MACF1: variants seen among roughly 807,000 people sequenced by gnomAD.
MACF1 encodes the protein microtubule-actin cross-linking factor 1.
A neutral mutation model predicts 854.8 loss-of-function variants in MACF1; 193 were observed. That is an observed-to-expected ratio of 0.23 (90% confidence interval 0.20 to 0.25). The LOEUF is 0.25. MACF1 is among the 10% of genes least tolerant of loss of function. MACF1 has a pLI of 1.00. For synonymous variants in MACF1, 3,185 were observed against 3,226.7 expected (o/e 0.99, Z 0.44); for missense variants, 7,722 against 8,929.1 (o/e 0.86, Z 5.45).
chr1:39,449,363 G>A (rs1180379), intron 84 of MACF1, among the ~76,000 whole-genome samples: 60,687 of 152,016 alleles, frequency 0.4, 13,047 homozygotes, highest in African/African-American at 0.56. Flanking sequence ...ACTATGCCAT[G>A]CTAAATATTA....
intron 53 of MACF1, among the ~76,000 whole-genome samples, 182 bp from the exon 54 acceptor site, chr1:39,379,021 G>A (rs553134874): frequency 6.6e-6 from 1 of 152,244 alleles, no homozygotes; most frequent in South Asian, 2.1e-4. Flanking sequence ...AAACCAGAAA[G>A]CAGATTAATG....
At chr1:39,208,461 T>A (rs1644478397) in intron 1 of MACF1, among the ~76,000 whole-genome samples, 1 of 152,082 alleles carries the variant, frequency 6.6e-6, no homozygotes, top group South Asian at 2.1e-4. Flanking sequence ...GACTCTTTTT[T>A]TTTTCTTTCT....
intron 6 of MACF1, among the ~76,000 whole-genome samples, chr1:39,270,437 G>T (rs1160876909): frequency 6.6e-6 from 1 of 152,142 alleles, no homozygotes; most frequent in African/African-American, 2.4e-5. Flanking sequence ...TTGTTTTGAG[G>T]AATATATTGA....
intron 23 of MACF1, among the ~76,000 whole-genome samples, chr1:39,305,617 G>C (rs1424024270): frequency 1.3e-5 from 2 of 152,248 alleles, no homozygotes; most frequent in East Asian, 3.9e-4. Flanking sequence ...TGTTTAAGTT[G>C]CTATTTTTGT....
chr1:39,474,055 A>G (rs1408963238), intron 97 of MACF1, among the ~76,000 whole-genome samples: 1 of 151,994 alleles, frequency 6.6e-6, no homozygotes, highest in African/African-American at 2.4e-5. Flanking sequence ...AGAATTTAAG[A>G]CCAGCCTGGG....
At chr1:39,179,225 C>T (rs757236578) in intron 2 of MACF1, among the ~76,000 whole-genome samples, 4 of 152,210 alleles carry the variant, frequency 2.6e-5, no homozygotes, top group Non-Finnish European at 5.9e-5. Flanking sequence ...TCATATTCCA[C>T]CCCTTCCTTT....
At chr1:39,155,080 A>C (rs1439685261) in intron 2 of MACF1, among the ~76,000 whole-genome samples, 1 of 152,208 alleles carries the variant, frequency 6.6e-6, no homozygotes, top group Non-Finnish European at 1.5e-5. Context: ...ATGCAGAGTT[A>C]TTGAACTATG....
chr1:39,263,233 T>C (rs764698844), intron 6 of MACF1, among the ~76,000 whole-genome samples: 1 of 152,144 alleles, frequency 6.6e-6, no homozygotes, highest in Non-Finnish European at 1.5e-5. Context: ...GGATGGTAGT[T>C]TTCACCTCAA....
intron 70 of MACF1, chr1:39,436,026 C>A: frequency 2.2e-6 from 1 of 450,756 alleles, no homozygotes; most frequent in Non-Finnish European, 3.9e-6. Context: ...TGTGATGATC[C>A]TTTAGCAGAT....
In MACF1 at chr1:39,342,324, T is replaced by A. The variant is rs190773909; in HGVS notation, c.10581+1371T>A. Among the ~76,000 whole-genome samples the A allele has an allele frequency of 1.5e-3, 232 of 152,270 alleles. 1 individual carries two copies. Among genetic ancestry groups the A allele is most frequent in the African/African-American group, 5.2e-3 (217 of 41,556 alleles). On this transcript the variant is annotated intron_variant, in intron 40 of 100. Transcript: ENST00000564288. ...TTGATGGGCATTTAGGTTGATTCCA[T>A]ATCTTTGCTATTGTGAATAGTGCTG...
intron 6 of MACF1, among the ~76,000 whole-genome samples, chr1:39,264,895 C>T (rs192163870): frequency 1.5e-4 from 22 of 151,216 alleles, no homozygotes; most frequent in African/African-American, 3.9e-4. Flanking sequence ...AGGATGGTCT[C>T]GATCTCCTGA....
intron 49 of MACF1, 105 bp downstream of exon 49, chr1:39,361,782 A>G: frequency 9.6e-7 from 1 of 1,046,698 alleles, no homozygotes; most frequent in Non-Finnish European, 1.4e-6. Flanking sequence ...ACTGGAAACT[A>G]CCTGCATTAT....
chr1:39,135,117 T>G (rs1443246264), intron 2 of MACF1, among the ~76,000 whole-genome samples: 1 of 152,234 alleles, frequency 6.6e-6, no homozygotes, highest in Non-Finnish European at 1.5e-5. Flanking sequence ...TGTGCCAGAA[T>G]TTCCTTCCTT....
At chr1:39,199,680 A>G (rs1644365531) in intron 2 of MACF1, among the ~76,000 whole-genome samples, 1 of 152,182 alleles carries the variant, frequency 6.6e-6, no homozygotes. Context: ...AATAAATTTT[A>G]GTTTCCCTTC....
rs1450190039 is a variant in MACF1, at chr1:39,387,602, A to G, written c.14760A>G (p.Glu4920=). The G allele has an allele frequency of 3.7e-6, 6 of 1,614,220 alleles. No homozygotes were observed. Among genetic ancestry groups the G allele is most frequent in the Non-Finnish European group, 5.1e-6 (6 of 1,180,040 alleles). Residue 4920 remains glutamate (E), a synonymous_variant, in exon 58 of 101, where the codon GAA becomes GAG. Transcript: ENST00000564288. ...TGGAAGACCTTGTGCCATGGATAGA[A>G]GATTGTAAAGCTAAGATGTCTGAGT... is the stretch of plus-strand genomic sequence containing the variant. ...WHVEDLVPWI[E]DCKAKMSELR...
intron 2 of MACF1, among the ~76,000 whole-genome samples, chr1:39,144,058 A>G: frequency 7.1e-6 from 1 of 140,952 alleles, no homozygotes; most frequent in East Asian, 2.1e-4. Flanking sequence ...AGGTGCTGGG[A>G]TTACAGGTGT....
At position 39,422,875 on chromosome 1, in the gene MACF1, T is replaced by C; in HGVS notation, c.16124T>C (p.Val5375Ala). ...QKPPSAEYKV[V>A]KAQIQEQKLL... is the part of the protein sequence containing the mutation. ...CCTCCATCTGCTGAGTATAAAGTGG[T>C]GAAAGCACAGATCCAAGAACAGAAG... The change falls in exon 60 of 101, where the codon GTG (valine) becomes GCG (alanine). Residue 5375 changes from valine (V) to alanine (A), a missense_variant. Physicochemically the swap from Val to Ala is moderately conservative, Grantham distance 64. Transcript: ENST00000564288. 6.2e-7 allele frequency: 1 copy of C among 1,614,094 alleles called. No individual in the cohort carries two copies. The highest frequency in any genetic ancestry group is 8.5e-7 in the Non-Finnish European group (1 of 1,180,006).
chr1:39,318,402 T>C (rs778316969), intron 29 of MACF1, 51 bp from the exon 30 acceptor site: 1 of 1,527,398 alleles, frequency 6.5e-7, no homozygotes, highest in South Asian at 1.2e-5. Context: ...TCATTTACTT[T>C]ATTGTATTTG....
intron 2 of MACF1, among the ~76,000 whole-genome samples, chr1:39,089,403 G>T (rs1407290735): frequency 6.6e-6 from 1 of 152,196 alleles, no homozygotes; most frequent in African/African-American, 2.4e-5. Context: ...AGCAAATGCT[G>T]CTGAAATAAT....
Sources: allele counts gnomAD v4.1 joint callset (sites outside exome capture counted in the v4.1 genomes callset), GRCh38; gene constraint gnomAD v4.1.1; transcripts MANE v1.5; gene names NCBI Gene and HGNC (gene_info 2026-07-23, HGNC 2026-07-21).